The following SMYD3 variants were observed in gnomAD, a reference collection of about 807,000 sequenced individuals.
SMYD3 encodes the protein SET and MYND domain containing 3.
SMYD3 carries 36 observed loss-of-function variants against 57.7 expected under a neutral mutation model. That is an observed-to-expected ratio of 0.62 (90% confidence interval 0.48 to 0.82). SMYD3 has a LOEUF of 0.82. Among genes scored for constraint, SMYD3 ranks in the 40% least tolerant of loss-of-function variants. The pLI, the probability that SMYD3 is intolerant of heterozygous loss-of-function variation, is 0.00. For missense variants in SMYD3, 515 were observed against 538.8 expected (o/e 0.96, Z 0.44); for synonymous variants, 211 against 195.0 (o/e 1.08, Z -0.68).
intron 5 of SMYD3, among the ~76,000 whole-genome samples, chr1:246,147,676 G>A (rs1447888720): frequency 6.6e-6 from 1 of 151,884 alleles, no homozygotes; most frequent in Non-Finnish European, 1.5e-5. Context: ...TGATGCTGGA[G>A]ATCGGAGCTT....
At chr1:245,946,428 C>T (rs1362038159) in intron 5 of SMYD3, among the ~76,000 whole-genome samples, 2 of 152,188 alleles carry the variant, frequency 1.3e-5, no homozygotes, top group African/African-American at 4.8e-5. Flanking sequence ...AGAGGAACAT[C>T]TGACGTTCCC....
At chr1:246,281,635 T>C (rs1289840926) in intron 5 of SMYD3, among the ~76,000 whole-genome samples, 4 of 152,158 alleles carry the variant, frequency 2.6e-5, no homozygotes, top group African/African-American at 9.7e-5. Context: ...TAGTAGGCAC[T>C]CTAAAAACAT....
chr1:246,244,699 T>C (rs1210240909), intron 5 of SMYD3, among the ~76,000 whole-genome samples: 1 of 152,198 alleles, frequency 6.6e-6, no homozygotes, highest in Non-Finnish European at 1.5e-5. Context: ...TTATATTTTC[T>C]AGTTGTGTAA....
intron 1 of SMYD3, among the ~76,000 whole-genome samples, chr1:246,425,434 T>C (rs1283414644): frequency 6.6e-6 from 1 of 152,178 alleles, no homozygotes; most frequent in Non-Finnish European, 1.5e-5. Context: ...CACTGTAACA[T>C]AAGCTCAGCA....
chr1:246,113,138 C>T (rs1290009138), intron 5 of SMYD3, among the ~76,000 whole-genome samples: 2 of 151,788 alleles, frequency 1.3e-5, no homozygotes, highest in Non-Finnish European at 2.9e-5. Flanking sequence ...GCCGAGATCA[C>T]GCCACTGCCC....
At chr1:246,311,100 C>T (rs1250844259) in intron 5 of SMYD3, among the ~76,000 whole-genome samples, 1 of 152,138 alleles carries the variant, frequency 6.6e-6, no homozygotes, top group Admixed American at 6.5e-5. Context: ...TAATTGAAAA[C>T]ATGAGTTGTT....
rs2066286961 is a variant in SMYD3 at position 246,376,812 on chromosome 1, C to A, written c.165-21718G>T. Among the ~76,000 whole-genome samples the A allele has an allele frequency of 2.0e-5, 3 of 151,730 alleles. No homozygotes were observed. The South Asian group carries it at 6.2e-4, about 32-fold the overall frequency. The stretch of plus-strand genomic sequence containing the variant: ...TAAAATTAAGACGTTAAAAAAATAA[C>A]GTATTGGCCGGGAGTGGTGTCTCAC... On this transcript the variant is annotated intron_variant, in intron 1 of 11. Coordinates refer to ENST00000490107, the MANE Select transcript of SMYD3 (RefSeq NM_001167740.2).
chr1:245,932,047 T>G (rs146050683), intron 5 of SMYD3, among the ~76,000 whole-genome samples: 2 of 152,322 alleles, frequency 1.3e-5, no homozygotes, highest in East Asian at 3.9e-4. Context: ...CTACGTTTAA[T>G]TTTTGAAATT....
chr1:245,910,425 A>G (rs189107385), intron 8 of SMYD3, among the ~76,000 whole-genome samples: 1 of 152,270 alleles, frequency 6.6e-6, no homozygotes, highest in East Asian at 1.9e-4. Context: ...CACTCTGCAC[A>G]TGAAAAGAAA....
chr1:246,442,267 A>T (rs368924359), intron 1 of SMYD3, among the ~76,000 whole-genome samples: 1 of 152,158 alleles, frequency 6.6e-6, no homozygotes, highest in South Asian at 2.1e-4. Flanking sequence ...TCACTAAAAG[A>T]CTATTGAGGC....
chr1:245,996,956 G>A (rs891152740), intron 5 of SMYD3, among the ~76,000 whole-genome samples: 1 of 152,228 alleles, frequency 6.6e-6, no homozygotes, highest in Non-Finnish European at 1.5e-5. Flanking sequence ...TCTCAGAGAA[G>A]TTCTGATTTA....
chr1:246,273,080 T>C (rs1473348522), intron 5 of SMYD3, among the ~76,000 whole-genome samples: 1 of 146,474 alleles, frequency 6.8e-6, no homozygotes, highest in Non-Finnish European at 1.5e-5. Flanking sequence ...CTCTTCCTAA[T>C]GCCCTCCTAT....
intron 2 of SMYD3, among the ~76,000 whole-genome samples, chr1:246,348,663 T>C (rs1316385104): frequency 2.0e-5 from 3 of 152,108 alleles, no homozygotes; most frequent in Non-Finnish European, 2.9e-5. Context: ...TGCTTACTTT[T>C]TGGGTGACAG....
chr1:245,954,122 G>A (rs907030576), intron 5 of SMYD3, among the ~76,000 whole-genome samples: 1 of 152,168 alleles, frequency 6.6e-6, no homozygotes, highest in South Asian at 2.1e-4. Context: ...AATGCTCAGC[G>A]TCCTAAGGGG....
At chr1:245,843,068 A>G (rs1558411352) in intron 10 of SMYD3, among the ~76,000 whole-genome samples, 2 of 152,256 alleles carry the variant, frequency 1.3e-5, no homozygotes, top group East Asian at 3.9e-4. Context: ...GTGGGAATGA[A>G]GTGTTTGTGT....
chr1:246,436,223 A>G (rs1444974310), intron 1 of SMYD3, among the ~76,000 whole-genome samples: 1 of 152,022 alleles, frequency 6.6e-6, no homozygotes, highest in East Asian at 1.9e-4. Flanking sequence ...AATAGAAGAA[A>G]GTTGAAAAAG....
intron 10 of SMYD3, 72 bp downstream of exon 10, chr1:245,858,424 T>C (rs2051364315): frequency 2.1e-6 from 3 of 1,459,630 alleles, no homozygotes; most frequent in Non-Finnish European, 2.8e-6. Flanking sequence ...TCAGAATGAC[T>C]TCACAACATG....
At chr1:246,145,718 C>A (rs1315244852) in intron 5 of SMYD3, among the ~76,000 whole-genome samples, 1 of 152,210 alleles carries the variant, frequency 6.6e-6, no homozygotes, top group Admixed American at 6.5e-5. Context: ...ATTAAAAAAA[C>A]AGCATTCATC....
intron 2 of SMYD3, among the ~76,000 whole-genome samples, chr1:246,350,391 G>C (rs2065804015): frequency 6.6e-6 from 1 of 152,176 alleles, no homozygotes; most frequent in Non-Finnish European, 1.5e-5. Flanking sequence ...AAGTTGGAAA[G>C]AATCGTAGTT....
Sources: gnomAD v4.1 joint callset for allele counts (sites outside exome capture counted in the v4.1 genomes callset) on GRCh38, gnomAD v4.1.1 for gene constraint, MANE v1.5 for transcripts, NCBI Gene and HGNC (gene_info 2026-07-23, HGNC 2026-07-21) for gene names.